Variants in GGA1 observed in about 807,000 individuals in gnomAD.
GGA1 encodes the protein golgi associated, gamma adaptin ear containing, ARF binding protein 1.
In GGA1, 18 loss-of-function variants were observed where a neutral mutation model predicts 76.9. That is an observed-to-expected ratio of 0.23 (90% CI 0.16 to 0.35). The LOEUF is 0.35. Among genes scored for constraint, GGA1 ranks in the 10% least tolerant of loss-of-function variants. GGA1 has a pLI of 1.00. For missense variants in GGA1, 755 were observed against 859.0 expected, an observed-to-expected ratio of 0.88 and a Z score of 1.51; for synonymous variants, 342 against 354.7, an observed-to-expected ratio of 0.96 and a Z score of 0.40.
Position 37,620,802 on chromosome 22 carries a change from A to G in GGA1, c.428-11A>G. 1 of 1,552,952 alleles carries G rather than the reference A, an allele frequency of 6.4e-7. No homozygotes were observed. Among genetic ancestry groups the G allele is most frequent in the Non-Finnish European group, 8.9e-7 (1 of 1,124,288 alleles). On this transcript the variant is annotated splice_polypyrimidine_tract_variant and intron_variant, in intron 5 of 16. Coordinates refer to ENST00000343632, the MANE Select transcript of GGA1 (RefSeq NM_013365.5). The stretch of plus-strand genomic sequence containing the variant: ...CATATTGACAGCCTTTCTGACACTC[A>G]TCTAATCCAGGGATTGTAAAGTCCG...
In GGA1 at chr22:37,608,896, G is replaced by T; in HGVS notation, c.36G>T (p.Ala12=). Residue 12 remains alanine (A), a synonymous_variant, in exon 1 of 17, where the codon GCG becomes GCT. Transcript: ENST00000343632. The stretch of plus-strand genomic sequence containing the variant: ...CGATGGAGCCGGAGACTCTGGAGGC[G>T]CGAATCAGTGAGTGTCCGGGAGGGG... ...EPAMEPETLE[A]RINRATNPLN... 2 of 1,313,940 alleles carry T rather than the reference G, an allele frequency of 1.5e-6. No individual in the cohort carries two copies. Among genetic ancestry groups the T allele is most frequent in the Non-Finnish European group, 9.7e-7 (1 of 1,031,200 alleles). 81.4% of individuals were successfully genotyped at this position (1,313,940 alleles called of 1,614,324 possible).
chr22:37,631,141 T>C, intron 14 of GGA1, 42 bp downstream of exon 14: 1 of 1,427,738 alleles, frequency 7.0e-7, no homozygotes, highest in Admixed American at 2.5e-5. Context: ...TTGGGTCAGC[T>C]TGCTGCCCTG....
chr22:37,629,311 G>A (rs1005712403), intron 11 of GGA1, 151 bp from the exon 12 acceptor site: 1 of 588,578 alleles, frequency 1.7e-6, no homozygotes, highest in Non-Finnish European at 3.0e-6. Context: ...CTGCTCTGCT[G>A]CTGGTTCCCT....
chr22:37,627,892 A>C (rs972917297), intron 11 of GGA1, among the ~76,000 whole-genome samples: 1 of 152,168 alleles, frequency 6.6e-6, no homozygotes, highest in African/African-American at 2.4e-5. Context: ...TCCCTCAAGG[A>C]GGGTGTTCAG....
chr22:37,617,472 C>T (rs1234843718), intron 3 of GGA1: 5 of 998,916 alleles, frequency 5.0e-6, no homozygotes, highest in African/African-American at 1.7e-5. Context: ...CAGCATGGGC[C>T]ACATACCAAC....
At position 37,625,111 on chromosome 22, in the gene GGA1, A is replaced by C; in HGVS notation, c.940+35A>C. The C allele has an allele frequency of 6.5e-7, 1 of 1,535,582 alleles. No individual in the cohort carries two copies. Among genetic ancestry groups the C allele is most frequent in the Non-Finnish European group, 8.8e-7 (1 of 1,131,066 alleles). The stretch of plus-strand genomic sequence containing the variant: ...TGGCAGGAGAGCTGGGAGGGCACCC[A>C]TCAGGCTGGAGGGGCACAGAGAGTG... On this transcript the variant is annotated intron_variant, in intron 10 of 16. Transcript: ENST00000343632. This position sits in a 1 kb window ranked among gnomAD's most constrained non-coding sequence, Gnocchi z 4.1.
At chr22:37,609,019 CCCGGGA>C in intron 1 of GGA1, 116 bp downstream of exon 1, 4 of 1,379,874 alleles carry the variant, frequency 2.9e-6, no homozygotes, top group Non-Finnish European at 3.7e-6. Context: ...CCGCCCCCGG[CCCGGGA>C]GGGGCGGTGT....
At chr22:37,617,828 A>C (rs1055562953) in intron 3 of GGA1, 3 of 935,314 alleles carry the variant, frequency 3.2e-6, no homozygotes, top group African/African-American at 3.6e-5. Context: ...GTTTTTTTAA[A>C]AAAGGAAAAA....
At chr22:37,613,196 G>A (rs1928063697) in intron 1 of GGA1, 1 of 976,868 alleles carries the variant, frequency 1.0e-6, no homozygotes, top group Non-Finnish European at 1.2e-6. Flanking sequence ...GTGATGGTAA[G>A]ACTCACACTC....
At chr22:37,619,439 C>T (rs1047652685) in intron 4 of GGA1, among the ~76,000 whole-genome samples, 6 of 149,078 alleles carry the variant, frequency 4.0e-5, no homozygotes, top group Admixed American at 1.4e-4. Flanking sequence ...AGTGCAATGG[C>T]GCGATCTCAG....
Position 37,632,248 on chromosome 22 carries a change from G to T in GGA1, c.1698+83G>T. 2.1e-6 allele frequency: 3 copies of T among 1,410,950 alleles called. No homozygotes were observed. Among genetic ancestry groups the T allele is most frequent in the Non-Finnish European group, 3.0e-6 (3 of 1,011,440 alleles). The allele number at this position is 1,410,950 out of a possible 1,614,324, so 87.4% of individuals were successfully genotyped here. On this transcript the variant is annotated intron_variant, in intron 15 of 16. Coordinates refer to ENST00000343632, the MANE Select transcript of GGA1 (RefSeq NM_013365.5). This position sits in a 1 kb window ranked among gnomAD's most constrained non-coding sequence, Gnocchi z 5.1. ...GCTGGGTGGGGAGCCACCTGTCAGG[G>T]GGCAGGTCTCCCTCCCTTGCTGGGT...
At chr22:37,621,078 G>C (rs1929813328) in intron 6 of GGA1, among the ~76,000 whole-genome samples, 165 bp downstream of exon 6, 2 of 152,190 alleles carry the variant, frequency 1.3e-5, no homozygotes, top group African/African-American at 4.8e-5. Flanking sequence ...AATATGTGCT[G>C]AGTATGTCCC....
intron 4 of GGA1, 112 bp from the exon 5 acceptor site, chr22:37,620,126 G>A: frequency 8.2e-7 from 1 of 1,222,032 alleles, no homozygotes; most frequent in Non-Finnish European, 1.2e-6. Flanking sequence ...GACCCTGTAG[G>A]CTAGAGGGCT....
rs766696572 is a variant in GGA1, at chr22:37,623,422, C to T, written c.705C>T (p.His235=). Residue 235 remains histidine, a synonymous_variant, in exon 8 of 17, where the codon CAC becomes CAT. Transcript: ENST00000343632. The surrounding 1 kb of genome is among the most constrained non-coding windows in gnomAD (Gnocchi z 4.6). ...VKLLTEMVMS[H]SQGGAAAGSS... ...TGCTCACGGAGATGGTGATGAGCCA[C>T]AGCCAGGGCGGCGCAGCAGCTGGCA... 1 of 1,614,096 alleles carries T rather than the reference C, an allele frequency of 6.2e-7. No homozygotes were observed. Among genetic ancestry groups the T allele is most frequent in the Non-Finnish European group, 8.5e-7 (1 of 1,179,974 alleles).
intron 11 of GGA1, 58 bp from the exon 12 acceptor site, chr22:37,629,404 T>C: frequency 8.1e-7 from 1 of 1,238,630 alleles, no homozygotes; most frequent in Non-Finnish European, 1.2e-6. Context: ...GCCCCTCGGC[T>C]CTCTGGCCTC....
At chr22:37,626,021 C>CTTTTTG in intron 11 of GGA1, 72 bp downstream of exon 11, 3 of 1,288,932 alleles carry the variant, frequency 2.3e-6, no homozygotes, top group Admixed American at 2.1e-5. Context: ...GGCCCACTCA[C>CTTTTTG]AGCTAGCGGA....
rs772470679 is a variant in GGA1 at position 37,623,513 on chromosome 22, C to A, written c.751-39C>A. On this transcript the variant is annotated intron_variant, in intron 8 of 16. Coordinates refer to ENST00000343632, the MANE Select transcript of GGA1 (RefSeq NM_013365.5). This position sits in a 1 kb window ranked among gnomAD's most constrained non-coding sequence, Gnocchi z 4.6. ...ACCCCACTCCCTGCCCACTCCACAG[C>A]CCACGCGGACCCTGACCCGCCCATC... is the stretch of plus-strand genomic sequence containing the variant. 7 of 1,612,620 alleles carry A rather than the reference C, an allele frequency of 4.3e-6. No homozygotes were observed. In the South Asian group the frequency reaches 7.7e-5, roughly 18 times the overall value.
chr22:37,613,443 C>G (rs1928126161), intron 1 of GGA1, among the ~76,000 whole-genome samples: 1 of 152,004 alleles, frequency 6.6e-6, no homozygotes, highest in Admixed American at 6.6e-5. Flanking sequence ...CTCTGTCACC[C>G]AGGCTGGAGG....
chr22:37,617,755 C>A (rs1296766791), intron 3 of GGA1: 1 of 887,666 alleles, frequency 1.1e-6, no homozygotes, highest in Non-Finnish European at 1.3e-6. Context: ...TCAAGTATAA[C>A]TAGTCCTATG....
Sources: gnomAD v4.1 joint callset for allele counts (sites outside exome capture counted in the v4.1 genomes callset) on GRCh38, gnomAD v4.1.1 for gene constraint, Gnocchi (gnomAD v3.1) non-coding constraint, MANE v1.5 for transcripts, NCBI Gene and HGNC (gene_info 2026-07-23, HGNC 2026-07-21) for gene names.